The following CTNNA2 variants were observed in gnomAD, a reference collection of about 807,000 sequenced individuals.
The protein encoded by CTNNA2 is catenin alpha-2.
In CTNNA2, 42 loss-of-function variants were observed where a neutral mutation model predicts 101.0. That is an observed-to-expected ratio of 0.42 (90% CI 0.32 to 0.54). CTNNA2 has a LOEUF of 0.54. Ranked by LOEUF, CTNNA2 falls within the 20% of genes least tolerant of loss-of-function variation. CTNNA2 has a pLI of 0.14. For missense variants in CTNNA2, 871 were observed against 1,223.1 expected, an observed-to-expected ratio of 0.71 and a Z score of 4.29; for synonymous variants, 450 against 456.4, an observed-to-expected ratio of 0.99 and a Z score of 0.18.
Position 79,551,829 on chromosome 2 carries a change from C to G in CTNNA2, c.-6+38622C>G, listed in dbSNP as rs182430849. Among the ~76,000 whole-genome samples the G allele has an allele frequency of 5.9e-5, 9 of 152,192 alleles. No homozygotes were observed. The East Asian group carries it at 1.7e-3, about 30-fold the overall frequency. Reference sequence around the variant, plus strand: ...GCTGCACACTTTTAAACAACCAGATCTTGTGAGAACTCACTATCATGAGAA... The same window carrying G: ...GCTGCACACTTTTAAACAACCAGATGTTGTGAGAACTCACTATCATGAGAA... On this transcript the variant is annotated intron_variant, in intron 1 of 18. Coordinates refer to ENST00000402739, the MANE Select transcript of CTNNA2 (RefSeq NM_001282597.3).
intron 8 of CTNNA2, among the ~76,000 whole-genome samples, chr2:80,412,806 G>A (rs766017846): frequency 6.6e-5 from 10 of 152,016 alleles, no homozygotes; most frequent in South Asian, 2.1e-4. Flanking sequence ...CAATAGGTTC[G>A]TCACCCTTTT....
intron 4 of CTNNA2, among the ~76,000 whole-genome samples, chr2:79,493,234 GAGGGGAGAGA>G (rs1671221941): frequency 6.6e-6 from 1 of 151,982 alleles, no homozygotes; most frequent in Admixed American, 6.6e-5. Context: ...AAGGGGAGGG[GAGGGGAGAGA>G]AGGGAAGGGA....
At chr2:79,512,740 C>G (rs1671586569), upstream of CTNNA2, among the ~76,000 whole-genome samples, 1 of 151,618 alleles carries the variant, frequency 6.6e-6, no homozygotes, top group Admixed American at 6.6e-5. Flanking sequence ...CCTGCGGCGC[C>G]GAGCCTGCCG....
chr2:79,539,579 G>T (rs960270951), intron 1 of CTNNA2, among the ~76,000 whole-genome samples: 1 of 152,132 alleles, frequency 6.6e-6, no homozygotes, highest in Non-Finnish European at 1.5e-5. Flanking sequence ...GTAATAAACT[G>T]TGGGTGGCTT....
intron 7 of CTNNA2, among the ~76,000 whole-genome samples, chr2:80,221,799 G>A (rs1384264854): frequency 6.6e-6 from 1 of 152,208 alleles, no homozygotes; most frequent in Non-Finnish European, 1.5e-5. Flanking sequence ...CAGCCAAAGA[G>A]CTTTCAGATT....
chr2:79,469,709 G>A (rs1371197464), intron 4 of CTNNA2, among the ~76,000 whole-genome samples: 1 of 152,158 alleles, frequency 6.6e-6, no homozygotes, highest in African/African-American at 2.4e-5. Flanking sequence ...TCCCTGGGAT[G>A]CAAGGCTGGT....
chr2:80,120,922 T>G (rs1479608022), intron 7 of CTNNA2, among the ~76,000 whole-genome samples: 1 of 152,190 alleles, frequency 6.6e-6, no homozygotes, highest in East Asian at 1.9e-4. Context: ...ATAAAACTAA[T>G]AAATAAGTGG....
intron 3 of CTNNA2, among the ~76,000 whole-genome samples, chr2:79,348,814 T>G (rs1184804753): frequency 6.6e-6 from 1 of 152,222 alleles, no homozygotes; most frequent in Non-Finnish European, 1.5e-5. Context: ...CAGGACAATC[T>G]CTACACCACT....
intron 9 of CTNNA2, among the ~76,000 whole-genome samples, chr2:80,506,673 T>C (rs1344837551): frequency 6.6e-6 from 1 of 152,098 alleles, no homozygotes; most frequent in Non-Finnish European, 1.5e-5. Flanking sequence ...ATAGATTAAG[T>C]GGGACAACTC....
At chr2:79,721,722 T>A (rs923464227) in intron 2 of CTNNA2, among the ~76,000 whole-genome samples, 10 of 152,218 alleles carry the variant, frequency 6.6e-5, no homozygotes, top group Admixed American at 6.5e-4. Flanking sequence ...AACCTTTTAA[T>A]ATAGCAGCTC....
chr2:80,345,666 A>C (rs897955966), intron 7 of CTNNA2, among the ~76,000 whole-genome samples: 9 of 152,188 alleles, frequency 5.9e-5, no homozygotes, highest in African/African-American at 2.2e-4. Flanking sequence ...TTTAAAAAAA[A>C]AAAATTGAAT....
intron 3 of CTNNA2, among the ~76,000 whole-genome samples, chr2:79,776,161 A>G (rs2105172293): frequency 6.6e-6 from 1 of 152,324 alleles, no homozygotes; most frequent in East Asian, 1.9e-4. Context: ...GAAATTTTAA[A>G]ATGTGGAATC....
intron 12 of CTNNA2, among the ~76,000 whole-genome samples, chr2:80,572,335 TTTCCGTA>T (rs1198658572): frequency 2.0e-5 from 3 of 152,204 alleles, no homozygotes; most frequent in Non-Finnish European, 4.4e-5. Flanking sequence ...TTTTAATATT[TTTCCGTA>T]TTGATTTGTG....
chr2:80,275,787 C>G (rs972409764), intron 7 of CTNNA2, among the ~76,000 whole-genome samples: 1 of 152,040 alleles, frequency 6.6e-6, no homozygotes, highest in Non-Finnish European at 1.5e-5. Context: ...GTTTAGCACT[C>G]AAGCAAAACT....
chr2:79,189,673 C>T (rs1337492340), intron 1 of CTNNA2, among the ~76,000 whole-genome samples: 1 of 152,160 alleles, frequency 6.6e-6, no homozygotes, highest in Non-Finnish European at 1.5e-5. Flanking sequence ...GAAAAGTAAA[C>T]TTTCTCTAAT....
intron 4 of CTNNA2, among the ~76,000 whole-genome samples, chr2:79,377,191 G>C (rs1216901897): frequency 1.3e-5 from 2 of 152,120 alleles, no homozygotes; most frequent in African/African-American, 4.8e-5. Context: ...ACTGGTGTGA[G>C]ATGGTATCTT....
intron 2 of CTNNA2, among the ~76,000 whole-genome samples, chr2:79,232,058 T>G (rs1674500000): frequency 6.6e-6 from 1 of 152,312 alleles, no homozygotes. Context: ...TTTCTTTTTC[T>G]TCCCTGATTG....
rs150168089 is a variant in CTNNA2, at chr2:79,467,139, G to C, written c.-134-37915G>C. Among the ~76,000 whole-genome samples, 5 of 152,266 alleles carry C rather than the reference G, an allele frequency of 3.3e-5. No homozygotes were observed. The East Asian group carries it at 9.7e-4, about 29-fold the overall frequency. On this transcript the variant is annotated intron_variant, in intron 4 of 21. Coordinates refer to the CTNNA2 transcript ENST00000466387. Reference sequence around the variant, plus strand: ...AGCTAAAAACCTTGAAAAAAGATTAGATGAATGGCTAACTAGAATAACCAA... The same window carrying C: ...AGCTAAAAACCTTGAAAAAAGATTACATGAATGGCTAACTAGAATAACCAA...
At chr2:79,343,132 G>T (rs1677176344) in intron 3 of CTNNA2, among the ~76,000 whole-genome samples, 1 of 151,972 alleles carries the variant, frequency 6.6e-6, no homozygotes, top group South Asian at 2.1e-4. Context: ...TACCATTTTT[G>T]CAAATGAAGA....
Sources: allele counts gnomAD v4.1 joint callset (sites outside exome capture counted in the v4.1 genomes callset), GRCh38; gene constraint gnomAD v4.1.1; transcripts MANE v1.5; gene names NCBI Gene and HGNC (gene_info 2026-07-23, HGNC 2026-07-21).